Variants in PCDH15 observed in about 807,000 individuals in gnomAD.
The protein encoded by PCDH15 is protocadherin-15.
PCDH15 carries 129 observed loss-of-function variants against 178.5 expected under a neutral mutation model. That is an observed-to-expected ratio of 0.72 (90% CI 0.63 to 0.84). The LOEUF is 0.84. Ranked by LOEUF, PCDH15 falls within the 40% of genes least tolerant of loss-of-function variation. The pLI is 0.00. For synonymous variants in PCDH15, 800 were observed against 732.0 expected (o/e 1.09, Z -1.50); for missense variants, 2,230 against 2,099.9 (o/e 1.06, Z -1.21).
chr10:54,837,604 T>C (rs924706410), intron 3 of PCDH15, among the ~76,000 whole-genome samples: 2 of 152,172 alleles, frequency 1.3e-5, no homozygotes, highest in African/African-American at 4.8e-5. Flanking sequence ...CAATATTCCT[T>C]TGAACGAGTC....
intron 25 of PCDH15, among the ~76,000 whole-genome samples, chr10:53,935,925 C>T (rs937729098): frequency 9.2e-5 from 14 of 151,764 alleles, no homozygotes; most frequent in African/African-American, 3.4e-4. Flanking sequence ...CTATCTATAT[C>T]ACAAAAAGAG....
At chr10:55,144,035 AT>A (rs1838428021) in intron 2 of PCDH15, among the ~76,000 whole-genome samples, 2 of 146,988 alleles carry the variant, frequency 1.4e-5, no homozygotes, top group South Asian at 4.4e-4. Context: ...CACACAACAT[AT>A]TGTGTTGCAG....
intron 2 of PCDH15, among the ~76,000 whole-genome samples, chr10:55,501,557 C>T (rs1450916777): frequency 6.6e-6 from 1 of 151,528 alleles, no homozygotes; most frequent in Non-Finnish European, 1.5e-5. Context: ...TGAGATAATA[C>T]CCCTTGATGG....
chr10:54,630,367 C>A (rs983793458), intron 2 of PCDH15, among the ~76,000 whole-genome samples: 2 of 152,118 alleles, frequency 1.3e-5, no homozygotes, highest in Non-Finnish European at 2.9e-5. Flanking sequence ...TGCTTACTTA[C>A]AACCATTTGA....
rs909496944 is a variant in PCDH15, at chr10:55,402,049, C to T, written c.-156+225576G>A. ...AATGTTCTCTCTAATTGCAAAGGTCCCCAGCTGGGTACATATTTCTGTTTA... is the reference window on the plus strand; with the variant it reads ...AATGTTCTCTCTAATTGCAAAGGTCTCCAGCTGGGTACATATTTCTGTTTA... On this transcript the variant is annotated intron_variant, in intron 2 of 5. Transcript: ENST00000613346. Among the ~76,000 whole-genome samples, 6 of 151,086 alleles carry T rather than the reference C, an allele frequency of 4.0e-5. No individual in the cohort carries two copies. The Admixed American group carries it at 4.0e-4, about 10-fold the overall frequency.
At chr10:54,098,189 GTT>G (rs1491589131) in intron 15 of PCDH15, among the ~76,000 whole-genome samples, 1 of 115,900 alleles carries the variant, frequency 8.6e-6, no homozygotes, top group Non-Finnish European at 1.7e-5. Flanking sequence ...AGAAAATAAA[GTT>G]GTGTGTGTGT....
intron 2 of PCDH15, among the ~76,000 whole-genome samples, chr10:54,995,365 G>C (rs533241092): frequency 3.8e-5 from 5 of 131,984 alleles, no homozygotes; most frequent in Admixed American, 2.6e-4. Flanking sequence ...GACAGAGCGA[G>C]ACTACGACAG....
intron 3 of PCDH15, among the ~76,000 whole-genome samples, chr10:54,498,659 C>T (rs1664140402): frequency 6.6e-6 from 1 of 152,040 alleles, no homozygotes. Flanking sequence ...ACAGAACAGT[C>T]TTTAAACCTA....
At chr10:55,253,951 C>T (rs1267396625) in intron 1 of PCDH15, among the ~76,000 whole-genome samples, 1 of 152,156 alleles carries the variant, frequency 6.6e-6, no homozygotes, top group Non-Finnish European at 1.5e-5. Flanking sequence ...CAGATAATTA[C>T]ACAAAATGCT....
chr10:55,393,712 TTA>T (rs1414124513), intron 2 of PCDH15, among the ~76,000 whole-genome samples: 2 of 152,168 alleles, frequency 1.3e-5, no homozygotes, highest in Non-Finnish European at 2.9e-5. Flanking sequence ...TAAATCTGAC[TTA>T]CAACCCAGAT....
At chr10:55,449,576 G>C (rs1839389821) in intron 2 of PCDH15, among the ~76,000 whole-genome samples, 1 of 151,934 alleles carries the variant, frequency 6.6e-6, no homozygotes, top group Admixed American at 6.6e-5. Flanking sequence ...AACTAAAAAG[G>C]GACATGAAGA....
At chr10:54,676,675 G>T (rs1202992267) in intron 1 of PCDH15, among the ~76,000 whole-genome samples, 1 of 152,088 alleles carries the variant, frequency 6.6e-6, no homozygotes, top group African/African-American at 2.4e-5. Context: ...GAAGTTGAAA[G>T]GTTCAAGTTT....
At chr10:54,643,693 A>G (rs1462370572) in intron 2 of PCDH15, among the ~76,000 whole-genome samples, 6 of 151,488 alleles carry the variant, frequency 4.0e-5, no homozygotes, top group Admixed American at 3.9e-4. Flanking sequence ...TTTGATATAG[A>G]TTCAGAAAAA....
At chr10:55,453,209 A>T (rs923425430) in intron 2 of PCDH15, among the ~76,000 whole-genome samples, 9 of 152,142 alleles carry the variant, frequency 5.9e-5, no homozygotes, top group African/African-American at 2.2e-4. Flanking sequence ...GCATGTGTCA[A>T]GCTGAATGTT....
intron 20 of PCDH15, among the ~76,000 whole-genome samples, chr10:54,015,592 T>G (rs2092716351): frequency 6.6e-6 from 1 of 152,028 alleles, no homozygotes; most frequent in South Asian, 2.1e-4. Context: ...CCAGAAATAA[T>G]GCTGCATACT....
chr10:54,697,926 G>A (rs754441697), intron 1 of PCDH15, among the ~76,000 whole-genome samples: 2 of 152,048 alleles, frequency 1.3e-5, no homozygotes, highest in Non-Finnish European at 2.9e-5. Context: ...GCTAAGTTCT[G>A]TATACAGTGG....
intron 3 of PCDH15, among the ~76,000 whole-genome samples, chr10:54,817,679 T>A (rs927123819): frequency 6.6e-6 from 1 of 152,028 alleles, no homozygotes; most frequent in African/African-American, 2.4e-5. Flanking sequence ...AATTATACAC[T>A]GTATTTTGGG....
chr10:55,151,549 A>T (rs1838713494), intron 2 of PCDH15, among the ~76,000 whole-genome samples: 1 of 152,064 alleles, frequency 6.6e-6, no homozygotes, highest in Non-Finnish European at 1.5e-5. Context: ...AATTTAACAG[A>T]CAGGCAAAAT....
chr10:54,145,640 C>T (rs1269902455), intron 14 of PCDH15, among the ~76,000 whole-genome samples: 1 of 152,024 alleles, frequency 6.6e-6, no homozygotes, highest in East Asian at 1.9e-4. Flanking sequence ...TACCACAGAA[C>T]ATTAATAGAC....
Sources: allele counts gnomAD v4.1 joint callset (sites outside exome capture counted in the v4.1 genomes callset), GRCh38; gene constraint gnomAD v4.1.1; transcripts MANE v1.5; gene names NCBI Gene and HGNC (gene_info 2026-07-23, HGNC 2026-07-21).